THADA: variants seen among roughly 807,000 people sequenced by gnomAD.
The protein encoded by THADA is tRNA (32-2'-O)-methyltransferase regulator THADA.
Under a neutral mutation model 219.8 loss-of-function variants are expected in THADA, and 213 were observed. The observed-to-expected ratio is 0.97, with a 90% confidence interval of 0.87 to 1.09. The LOEUF is 1.09. Ranked by LOEUF, THADA falls within the 50% of genes least tolerant of loss-of-function variation. The probability of loss-of-function intolerance (pLI) is 0.00; values close to 1 mark genes in which losing one functional copy is unlikely to be tolerated. For missense variants in THADA, 2,956 were observed against 2,311.3 expected, an observed-to-expected ratio of 1.28 and a Z score of -5.72; for synonymous variants, 1,018 against 828.9, an observed-to-expected ratio of 1.23 and a Z score of -3.92.
intron 9 of THADA, 100 bp from the exon 10 acceptor site, chr2:43,577,342 T>G: frequency 1.0e-6 from 1 of 959,520 alleles, no homozygotes; most frequent in Admixed American, 2.7e-5. Flanking sequence ...TGAAAAATCC[T>G]AGGAAAAATG....
chr2:43,533,926 C>T (rs1014512235), intron 21 of THADA, among the ~76,000 whole-genome samples: 10 of 152,090 alleles, frequency 6.6e-5, no homozygotes, highest in African/African-American at 2.4e-4. Flanking sequence ...AAACAAAAAA[C>T]TCTTGTTTGC....
chr2:43,524,864 G>A (rs952333817), intron 22 of THADA, among the ~76,000 whole-genome samples: 12 of 152,120 alleles, frequency 7.9e-5, no homozygotes, highest in African/African-American at 2.2e-4. Flanking sequence ...CCATTTATTC[G>A]GAATGCCTTC....
chr2:43,541,088 G>C, intron 21 of THADA, 71 bp downstream of exon 21: 1 of 1,380,252 alleles, frequency 7.2e-7, no homozygotes, highest in South Asian at 1.7e-5. Context: ...TTTTAGAGTT[G>C]GGTTATAAAA....
intron 30 of THADA, among the ~76,000 whole-genome samples, chr2:43,334,388 C>T (rs1186079558): frequency 6.6e-6 from 1 of 152,062 alleles, no homozygotes; most frequent in Non-Finnish European, 1.5e-5. Flanking sequence ...CTTGGGGTAG[C>T]AAGTCATTAG....
chr2:43,567,024 C>T (rs1698771651), intron 14 of THADA, among the ~76,000 whole-genome samples: 1 of 151,818 alleles, frequency 6.6e-6, no homozygotes, highest in South Asian at 2.1e-4. Context: ...TTTAATAAAC[C>T]CTATATTTGC....
chr2:43,589,112 C>T (rs1024735892), intron 4 of THADA, among the ~76,000 whole-genome samples: 3 of 152,084 alleles, frequency 2.0e-5, no homozygotes, highest in African/African-American at 7.2e-5. Flanking sequence ...GTCCAGCAAT[C>T]CCACTTCTGG....
At chr2:43,526,271 C>T (rs761939976) in intron 22 of THADA, among the ~76,000 whole-genome samples, 19 of 152,164 alleles carry the variant, frequency 1.2e-4, no homozygotes, top group Admixed American at 1.3e-4. Flanking sequence ...TATGATGCCT[C>T]CTATGATCTA....
chr2:43,543,252 A>T (rs944282284), intron 20 of THADA, among the ~76,000 whole-genome samples: 1 of 131,174 alleles, frequency 7.6e-6, no homozygotes, highest in African/African-American at 3.0e-5. Flanking sequence ...TATATGCCAC[A>T]TTTTCTTAAT....
At chr2:43,505,833 TA>T in intron 23 of THADA, 98 bp from the exon 24 acceptor site, 1 of 827,106 alleles carries the variant, frequency 1.2e-6, no homozygotes, top group Non-Finnish European at 1.9e-6. Context: ...ATCCCCTTAA[TA>T]AAAACATGTG....
chr2:43,543,608 C>T (rs1044298599), intron 20 of THADA, among the ~76,000 whole-genome samples: 3 of 152,096 alleles, frequency 2.0e-5, no homozygotes, highest in African/African-American at 7.2e-5. Context: ...TTTTGATTTG[C>T]ATTTCTCTGA....
At chr2:43,541,009 T>C (rs779922176) in intron 21 of THADA, 150 bp downstream of exon 21, 8 of 819,712 alleles carry the variant, frequency 9.8e-6, no homozygotes, top group Non-Finnish European at 1.4e-5. Context: ...AGTCTAACAT[T>C]CTAAATTACC....
intron 22 of THADA, among the ~76,000 whole-genome samples, chr2:43,515,497 C>A (rs944493826): frequency 7.1e-6 from 1 of 141,720 alleles, no homozygotes; most frequent in African/African-American, 2.6e-5. Flanking sequence ...TTACCCAAAA[C>A]AGTATACAGA....
intron 21 of THADA, among the ~76,000 whole-genome samples, chr2:43,535,943 T>C (rs1694540285): frequency 1.3e-5 from 2 of 152,104 alleles, no homozygotes; most frequent in South Asian, 4.1e-4. Context: ...TGGCTGGGAC[T>C]ACAGGTGCAC....
Position 43,560,319 on chromosome 2 carries a change from T to C in THADA, c.2378A>G (p.Glu793Gly), listed in dbSNP as rs752310981. Reference protein sequence around the residue: ...IDVGRFQTLMECFTSTFEDVK... With the variant: ...IDVGRFQTLMGCFTSTFEDVK... Reference sequence around the variant, plus strand: ...GTCTTCAAAAGTGCTGGTAAAACATTCCATTAGTGTTTGGAAACGACCAAC... The same window carrying C: ...GTCTTCAAAAGTGCTGGTAAAACATCCCATTAGTGTTTGGAAACGACCAAC... Residue 793 changes from glutamate to glycine, a missense_variant, in exon 16 of 38, where the codon GAA (glutamate) becomes GGA (glycine). Glu to Gly is a moderately conservative substitution (Grantham distance 98). Transcript: ENST00000405975. 6.2e-7 allele frequency: 1 copy of C among 1,612,672 alleles called. No homozygotes were observed. The highest frequency in any genetic ancestry group is 8.5e-7 in the Non-Finnish European group (1 of 1,179,266).
intron 31 of THADA, among the ~76,000 whole-genome samples, chr2:43,313,813 C>T (rs1251729142): frequency 6.6e-6 from 1 of 152,230 alleles, no homozygotes; most frequent in Non-Finnish European, 1.5e-5. Flanking sequence ...ACTCCCTTCC[C>T]TAAGCGAGTG....
At chr2:43,427,150 A>G (rs7561403) in intron 28 of THADA, among the ~76,000 whole-genome samples, 3,543 of 152,272 alleles carry the variant, frequency 0.023, 145 homozygotes, top group African/African-American at 0.08. Context: ...ACATGGCATT[A>G]CCATTTACAT....
intron 29 of THADA, among the ~76,000 whole-genome samples, chr2:43,362,031 C>T (rs1402897094): frequency 6.6e-6 from 1 of 152,158 alleles, no homozygotes; most frequent in Non-Finnish European, 1.5e-5. Flanking sequence ...GAGGAAAACT[C>T]TTTAAAATAG....
At chr2:43,458,946 T>TA (rs1015727403) in intron 26 of THADA, among the ~76,000 whole-genome samples, 25 of 150,616 alleles carry the variant, frequency 1.7e-4, no homozygotes, top group African/African-American at 4.6e-4. Context: ...ATCTTCAAAA[T>TA]AAAAAAAAAA....
intron 26 of THADA, among the ~76,000 whole-genome samples, chr2:43,441,364 T>C (rs1680819261): frequency 6.6e-6 from 1 of 152,182 alleles, no homozygotes; most frequent in Non-Finnish European, 1.5e-5. Flanking sequence ...GGGAGCATCA[T>C]CTCAACTCTG....
Sources: allele counts gnomAD v4.1 joint callset (sites outside exome capture counted in the v4.1 genomes callset), GRCh38; gene constraint gnomAD v4.1.1; transcripts MANE v1.5; gene names NCBI Gene and HGNC (gene_info 2026-07-23, HGNC 2026-07-21).